CHTOP: variants seen among roughly 807,000 people sequenced by gnomAD.
The protein encoded by CHTOP is chromatin target of PRMT1 protein.
In CHTOP, 18 loss-of-function variants were observed where a neutral mutation model predicts 33.6. The ratio of observed to expected loss-of-function variants is 0.54; its 90% CI spans 0.37 to 0.80. CHTOP has a LOEUF of 0.80. Among genes scored for constraint, CHTOP ranks in the 30% least tolerant of loss-of-function variants. CHTOP has a pLI of 0.00. For synonymous variants in CHTOP, 117 were observed against 127.7 expected (o/e 0.92, Z 0.56); for missense variants, 263 against 336.8 (o/e 0.78, Z 1.71).
chr1:153,636,670 C>A lies in CHTOP; in HGVS notation c.65+17C>A, dbSNP rs372361526. The A allele has an allele frequency of 5.6e-6, 9 of 1,609,044 alleles. No homozygotes were observed. The highest frequency in any genetic ancestry group is 7.7e-6 in the Non-Finnish European group (9 of 1,175,822). On this transcript the variant is annotated intron_variant, in intron 2 of 5. Transcript: ENST00000368694. ...AAATGAGCGGTGAGGCAGCCAACAGCAACTTCAACTCCTTCCTAAGAAAAC... is the reference window on the plus strand; with the variant it reads ...AAATGAGCGGTGAGGCAGCCAACAGAAACTTCAACTCCTTCCTAAGAAAAC...
intron 1 of CHTOP, 83 bp from the exon 2 acceptor site, chr1:153,636,485 TTTTA>T (rs997562238): frequency 9.4e-7 from 1 of 1,064,724 alleles, no homozygotes; most frequent in African/African-American, 1.6e-5. Flanking sequence ...GATAAGGCCT[TTTTA>T]TTTATTTTTG....
rs1028240652 is a variant in CHTOP, at chr1:153,634,108, C to G, written c.-253C>G. On this transcript the variant is annotated 5_prime_UTR_variant, in exon 1 of 6. Transcript: ENST00000368694. ...TTGGACACCGAGCAGGAGCTGGCGGCCGCTGCAGACGAAAGGCAGGAAAGG... is the reference window on the plus strand; with the variant it reads ...TTGGACACCGAGCAGGAGCTGGCGGGCGCTGCAGACGAAAGGCAGGAAAGG... 2.6e-5 allele frequency: 4 copies of G among 152,866 alleles called. No homozygotes were observed. The highest frequency in any genetic ancestry group is 5.9e-5 in the Non-Finnish European group (4 of 68,174). The allele number at this position is 152,866 out of a possible 1,614,324, so 9.5% of individuals were successfully genotyped here.
chr1:153,635,955 T>G (rs1668374601), intron 1 of CHTOP, among the ~76,000 whole-genome samples: 1 of 152,078 alleles, frequency 6.6e-6, no homozygotes. Flanking sequence ...TTTAAAGAGA[T>G]GGGGTCTCAG....
Position 153,645,676 on chromosome 1 carries a change from C to G in CHTOP, c.*407C>G. 5.6e-6 allele frequency: 1 copy of G among 179,754 alleles called. No homozygotes were observed. The highest frequency in any genetic ancestry group is 1.2e-5 in the Non-Finnish European group (1 of 85,550). 11.1% of individuals were successfully genotyped at this position (179,754 alleles called of 1,614,324 possible). On this transcript the variant is annotated 3_prime_UTR_variant, in exon 6 of 6. Transcript: ENST00000368694. ...CCCCACAGAAACATCCCAGAAAAAC[C>G]GGTCAGTGTTCCTTCCTCCCTGATC...
Position 153,643,262 on chromosome 1 carries a change from C to T in CHTOP, c.439C>T (p.Pro147Ser). ...NLLRGGRAVA[P>S]RMGLRRGGVR... ...GCTCCGAGGTGGACGAGCCGTAGCT[C>T]CCCGAATGGGCTTAAGAAGAGGTGG... The change falls in exon 5 of 6, where the codon CCC becomes TCC. Residue 147 changes from proline to serine, a missense_variant. By Grantham distance (74) the Pro-to-Ser change is moderately conservative. Around this residue, in one of 3 missense-constraint regions of CHTOP, gnomAD observed 168 missense variants for 179.9 expected, o/e 0.93. Transcript: ENST00000368694. The T allele has an allele frequency of 2.5e-6, 4 of 1,614,126 alleles. No homozygotes were observed. The highest frequency in any genetic ancestry group is 1.1e-5 in the South Asian group (1 of 91,078).
chr1:153,638,610 G>T, intron 3 of CHTOP, 162 bp downstream of exon 3: 1 of 744,350 alleles, frequency 1.3e-6, no homozygotes, highest in Non-Finnish European at 2.3e-6. Flanking sequence ...ATTTTGGCAG[G>T]TACCAATAAG....
At chr1:153,641,307 AC>A (rs1668614641) in intron 3 of CHTOP, among the ~76,000 whole-genome samples, 1 of 152,048 alleles carries the variant, frequency 6.6e-6, no homozygotes, top group Non-Finnish European at 1.5e-5. Context: ...AGCCAGGCTT[AC>A]TAGGAGCTTG....
intron 2 of CHTOP, 77 bp from the exon 3 acceptor site, chr1:153,638,218 C>T: frequency 2.0e-6 from 3 of 1,525,158 alleles, no homozygotes; most frequent in South Asian, 2.3e-5. Flanking sequence ...AGCTCCTGGT[C>T]TAGCAAGCCA....
intron 4 of CHTOP, chr1:153,642,640 G>A (rs979732835): frequency 2.5e-5 from 10 of 393,466 alleles, no homozygotes; most frequent in Non-Finnish European, 4.5e-5. Context: ...TATGACCTGC[G>A]TAACAACAGG....
At chr1:153,642,569 T>G (rs1240998978) in intron 4 of CHTOP, 140 bp downstream of exon 4, 2 of 619,572 alleles carry the variant, frequency 3.2e-6, no homozygotes, top group Admixed American at 6.9e-5. Flanking sequence ...ATATTTTTAA[T>G]AGTGCTGCAT....
chr1:153,637,794 A>G (rs1174992958), intron 2 of CHTOP: 1 of 154,180 alleles, frequency 6.5e-6, no homozygotes, highest in African/African-American at 2.4e-5. Flanking sequence ...CTAATTATTT[A>G]TGTTTGCATA....
Position 153,634,336 on chromosome 1 carries a change from T to G in CHTOP, c.-25T>G, listed in dbSNP as rs981090882. ...CCCCGGGAGGAGCACTGGCGTCTGT[T>G]TCCTTCGGTGAGTTTCGGTAGTGAG... On this transcript the variant is annotated 5_prime_UTR_variant, in exon 1 of 6. Transcript: ENST00000368694. 2.0e-5 allele frequency: 3 copies of G among 152,898 alleles called. No individual in the cohort carries two copies. Among genetic ancestry groups the G allele is most frequent in the Non-Finnish European group, 4.4e-5 (3 of 68,200 alleles). 9.5% of individuals were successfully genotyped at this position (152,898 alleles called of 1,614,324 possible). A position where few individuals can be genotyped will look rare whatever the true frequency, so the allele number is the denominator to read the frequency against.
At chr1:153,643,122 C>CT in intron 4 of CHTOP, 105 bp from the exon 5 acceptor site, 1 of 1,408,496 alleles carries the variant, frequency 7.1e-7, no homozygotes, top group Non-Finnish European at 1.0e-6. Flanking sequence ...AACCTAAAAA[C>CT]TAACTGAATT....
intron 3 of CHTOP, among the ~76,000 whole-genome samples, chr1:153,639,657 G>A (rs2274739): frequency 0.57 from 86,489 of 152,054 alleles, 24,974 homozygotes; most frequent in East Asian, 0.7. Flanking sequence ...GTAAATGGAA[G>A]TTGCTGAAGA....
In CHTOP at chr1:153,641,710, C is replaced by G. The variant is rs558639412; in HGVS notation, c.220-536C>G. On this transcript the variant is annotated intron_variant, in intron 3 of 5. Transcript: ENST00000368694. ...ATAGATTCTCAGAGGAAAAATGGAG[C>G]ACACGGGCCTTTTTGAGAAATCAAT... Among the ~76,000 whole-genome samples, 8 of 152,276 alleles carry G rather than the reference C, an allele frequency of 5.3e-5. No homozygotes were observed. The East Asian group carries it at 1.3e-3, about 26-fold the overall frequency.
At chr1:153,637,498 A>G (rs2101684027) in intron 2 of CHTOP, 1 of 152,270 alleles carries the variant, frequency 6.6e-6, no homozygotes, top group Non-Finnish European at 1.5e-5. Context: ...AAATAGAAAA[A>G]TTAGCTGGGC....
chr1:153,636,536 T>C (rs1377669366), intron 1 of CHTOP, 36 bp from the exon 2 acceptor site: 1 of 1,546,544 alleles, frequency 6.5e-7, no homozygotes, highest in Non-Finnish European at 8.9e-7. Context: ...GATGTCACTA[T>C]TGTGATTTGC....
chr1:153,645,090 G>A lies in CHTOP; in HGVS notation c.568G>A (p.Gly190Arg). The change falls in exon 6 of 6, where the codon GGG becomes AGG. Residue 190 changes from glycine to arginine, a missense_variant. Coordinates refer to ENST00000368694, the MANE Select transcript of CHTOP (RefSeq NM_015607.4). Reference sequence around the variant, plus strand: ...TCGGGGTATGATAGGTCGGGGAAGAGGGGGCTTTGGAGGCCGAGGCCGAGG... The same window carrying A: ...TCGGGGTATGATAGGTCGGGGAAGAAGGGGCTTTGGAGGCCGAGGCCGAGG... ...RGRGMIGRGR[G>R]GFGGRGRGRG... 6.2e-7 allele frequency: 1 copy of A among 1,613,246 alleles called. No individual in the cohort carries two copies. The highest frequency in any genetic ancestry group is 8.5e-7 in the Non-Finnish European group (1 of 1,179,920).
intron 1 of CHTOP, among the ~76,000 whole-genome samples, chr1:153,635,650 G>A (rs1031814295): frequency 5.9e-5 from 9 of 151,714 alleles, no homozygotes; most frequent in Admixed American, 2.6e-4. Flanking sequence ...GAGAAACCCC[G>A]TCTCTACTAA....
Sources: allele counts gnomAD v4.1 joint callset (sites outside exome capture counted in the v4.1 genomes callset), GRCh38; gene constraint gnomAD v4.1.1; regional missense constraint gnomAD v4.1.1; transcripts MANE v1.5; gene names NCBI Gene and HGNC (gene_info 2026-07-23, HGNC 2026-07-21).